The following LYRM4 variants were observed in gnomAD, a reference collection of about 807,000 sequenced individuals.
LYRM4 encodes LYR motif containing 4, also known as LYR motif-containing protein 4.
LYRM4 carries 9 observed loss-of-function variants against 11.7 expected under a neutral mutation model. The ratio of observed to expected loss-of-function variants is 0.77; its 90% CI spans 0.46 to 1.34. LYRM4 has a LOEUF of 1.34. Ranked by LOEUF, LYRM4 falls within the 40% of genes most tolerant of loss-of-function variation. The pLI is 0.00. For missense variants in LYRM4, 133 were observed against 112.5 expected (o/e 1.18, Z -0.82); for synonymous variants, 42 against 40.4 (o/e 1.04, Z -0.15).
chr6:5,045,870 A>G, the LYRM4 span, among the ~76,000 whole-genome samples: 9 of 152,234 alleles, frequency 5.9e-5, no homozygotes, highest in African/African-American at 1.9e-4. Flanking sequence ...ATTACCCAGA[A>G]CGGACTTACC....
chr6:5,093,990 A>C, the LYRM4 span, among the ~76,000 whole-genome samples: 1 of 152,154 alleles, frequency 6.6e-6, no homozygotes, highest in African/African-American at 2.4e-5. Context: ...AACCCCGACT[A>C]GGTTGGTTCT....
At chr6:5,075,013 G>T in the LYRM4 span, among the ~76,000 whole-genome samples, 1 of 152,038 alleles carries the variant, frequency 6.6e-6, no homozygotes, top group Non-Finnish European at 1.5e-5. Flanking sequence ...CAAGATCTGG[G>T]TGTTTAAAAG....
chr6:5,143,815 G>T (rs1002359926), intron 2 of LYRM4, among the ~76,000 whole-genome samples: 1 of 152,064 alleles, frequency 6.6e-6, no homozygotes, highest in African/African-American at 2.4e-5. Flanking sequence ...AGCAGATGGC[G>T]ACAGAGGCCT....
intron 2 of LYRM4, among the ~76,000 whole-genome samples, chr6:5,109,826 A>G (rs1189079233): frequency 6.6e-6 from 1 of 152,126 alleles, no homozygotes; most frequent in Non-Finnish European, 1.5e-5. Flanking sequence ...CTCCTCTCCT[A>G]AGAGGGCTTC....
At chr6:5,216,838 A>T in intron 1 of LYRM4, 100 bp from the exon 2 acceptor site, 1 of 1,375,666 alleles carries the variant, frequency 7.3e-7, no homozygotes, top group South Asian at 1.4e-5. Flanking sequence ...TAACTGTTTA[A>T]TCTTCCCCTA....
chr6:5,158,977 C>T (rs1275667059), intron 2 of LYRM4, among the ~76,000 whole-genome samples: 1 of 152,138 alleles, frequency 6.6e-6, no homozygotes, highest in Non-Finnish European at 1.5e-5. Context: ...CCTCATCATG[C>T]AGGCAGGTTC....
chr6:5,042,221 A>T, the LYRM4 span, among the ~76,000 whole-genome samples: 1 of 152,218 alleles, frequency 6.6e-6, no homozygotes, highest in Non-Finnish European at 1.5e-5. Context: ...TGATATTTCA[A>T]GTTGATTATT....
At chr6:5,193,972 G>A (rs1483987401) in intron 2 of LYRM4, among the ~76,000 whole-genome samples, 1 of 149,986 alleles carries the variant, frequency 6.7e-6, no homozygotes, top group Non-Finnish European at 1.5e-5. Context: ...ATATATGATT[G>A]TTAAAAAGGC....
the LYRM4 span, among the ~76,000 whole-genome samples, chr6:5,062,824 C>T: frequency 6.6e-6 from 1 of 152,202 alleles, no homozygotes; most frequent in African/African-American, 2.4e-5. Context: ...GGAGAGGCTG[C>T]ACACTTTAGA....
intron 2 of LYRM4, among the ~76,000 whole-genome samples, chr6:5,166,455 T>G (rs934861717): frequency 1.3e-5 from 2 of 152,252 alleles, no homozygotes; most frequent in African/African-American, 4.8e-5. Flanking sequence ...TTTCAAGGTA[T>G]TCTACTGACT....
chr6:5,066,151 C>G, the LYRM4 span: 1 of 586,962 alleles, frequency 1.7e-6, no homozygotes, highest in African/African-American at 1.9e-5. Flanking sequence ...TTCCAGCCGC[C>G]CATTTTGGGT....
chr6:5,140,906 T>C (rs1757373055), intron 2 of LYRM4, among the ~76,000 whole-genome samples: 1 of 152,184 alleles, frequency 6.6e-6, no homozygotes, highest in Non-Finnish European at 1.5e-5. Context: ...ACCAACCAAA[T>C]GGATTTAAAA....
chr6:5,112,478 A>G (rs57697533), intron 2 of LYRM4, among the ~76,000 whole-genome samples: 16,011 of 152,252 alleles, frequency 0.11, 938 homozygotes, highest in South Asian at 0.23. Context: ...CATACACAGA[A>G]CACAATGCAC....
chr6:5,086,457 G>T, the LYRM4 span: 4 of 1,536,916 alleles, frequency 2.6e-6, no homozygotes, highest in South Asian at 3.6e-5. Context: ...GCGGCGTCGC[G>T]GTCCACTTCG....
At chr6:5,233,892 G>A (rs1763384910) in intron 1 of LYRM4, among the ~76,000 whole-genome samples, 2 of 152,174 alleles carry the variant, frequency 1.3e-5, no homozygotes, top group African/African-American at 2.4e-5. Flanking sequence ...GCTGGGTCAC[G>A]GTCATACACA....
chr6:5,243,070 G>A (rs1763981227), intron 1 of LYRM4, among the ~76,000 whole-genome samples: 1 of 152,208 alleles, frequency 6.6e-6, no homozygotes, highest in Non-Finnish European at 1.5e-5. Context: ...ACCGCGCCCG[G>A]CCAGGATTTC....
At chr6:5,220,895 A>G (rs1194456595) in intron 1 of LYRM4, among the ~76,000 whole-genome samples, 1 of 152,184 alleles carries the variant, frequency 6.6e-6, no homozygotes, top group Non-Finnish European at 1.5e-5. Flanking sequence ...CAATGGCCCT[A>G]TTATAGCTCT....
At chr6:5,171,992 T>C (rs772484625) in intron 2 of LYRM4, among the ~76,000 whole-genome samples, 6 of 152,062 alleles carry the variant, frequency 3.9e-5, no homozygotes, top group African/African-American at 1.4e-4. Flanking sequence ...CACATGGCAA[T>C]AGAGGGTCAT....
At chr6:5,258,121 G>A (rs1764770249) in intron 1 of LYRM4, among the ~76,000 whole-genome samples, 1 of 152,214 alleles carries the variant, frequency 6.6e-6, no homozygotes, top group African/African-American at 2.4e-5. Flanking sequence ...GGCACATTTA[G>A]GAAACTGCAA....
Sources: gnomAD v4.1 joint callset for allele counts (sites outside exome capture counted in the v4.1 genomes callset) on GRCh38, gnomAD v4.1.1 for gene constraint, MANE v1.5 for transcripts, NCBI Gene and HGNC (gene_info 2026-07-23, HGNC 2026-07-21) for gene names.